RASGRF2: variants seen among roughly 807,000 people sequenced by gnomAD.
RASGRF2 encodes the protein ras-specific guanine nucleotide-releasing factor 2.
A neutral mutation model predicts 151.0 loss-of-function variants in RASGRF2; 76 were observed. That is an observed-to-expected ratio of 0.50 (90% CI 0.42 to 0.61). The LOEUF (loss-of-function observed/expected upper bound fraction) is 0.61, where lower values mean the gene tolerates loss of function less well. Ranked by LOEUF, RASGRF2 falls within the 20% of genes least tolerant of loss-of-function variation. The pLI, the probability that RASGRF2 is intolerant of heterozygous loss-of-function variation, is 0.00. For missense variants in RASGRF2, 1,148 were observed against 1,564.6 expected, an observed-to-expected ratio of 0.73 and a Z score of 4.49; for synonymous variants, 504 against 566.5, an observed-to-expected ratio of 0.89 and a Z score of 1.57.
intron 6 of RASGRF2, 44 bp downstream of exon 6, chr5:81,080,244 C>T: frequency 6.3e-7 from 1 of 1,576,116 alleles, no homozygotes; most frequent in Non-Finnish European, 8.5e-7. Context: ...TTTAGAGTGG[C>T]TGCAATTAGA....
chr5:81,164,213 A>T (rs1042047409), intron 17 of RASGRF2, among the ~76,000 whole-genome samples: 1 of 152,178 alleles, frequency 6.6e-6, no homozygotes. Flanking sequence ...ACCTCTGAAG[A>T]GTAAGACAGA....
intron 1 of RASGRF2, among the ~76,000 whole-genome samples, chr5:81,039,074 A>G (rs372413054): frequency 7.0e-4 from 107 of 152,312 alleles, no homozygotes; most frequent in African/African-American, 2.5e-3. Flanking sequence ...CCAAGATCAT[A>G]AAGATATTCT....
Position 80,960,771 on chromosome 5 carries a change from C to G in RASGRF2, c.33C>G (p.His11Gln), listed in dbSNP as rs1189225485. The change falls in exon 1 of 27, where the codon CAC becomes CAG. Residue 11 changes from histidine to glutamine, a missense_variant. His to Gln is a conservative substitution (Grantham distance 24). Around this residue, in one of 5 missense-constraint regions of RASGRF2, gnomAD observed 221 missense variants for 271.3 expected, o/e 0.81. Transcript: ENST00000265080. The surrounding 1 kb of genome is among the most constrained non-coding windows in gnomAD (Gnocchi z 5.5). MQKSVRYNEGHALYLAFLARK... is the reference protein window; with the variant it reads MQKSVRYNEGQALYLAFLARK... ...AGAGCGTGCGCTACAACGAGGGGCA[C>G]GCCCTGTACCTGGCCTTTCTGGCGC... 5.0e-6 allele frequency: 8 copies of G among 1,608,566 alleles called. 1 individual carries two copies. The South Asian group carries it at 8.8e-5, about 18-fold the overall frequency.
chr5:81,154,318 A>G lies in RASGRF2; in HGVS notation c.2687-25857A>G, dbSNP rs1305870964. Among the ~76,000 whole-genome samples the G allele has an allele frequency of 2.0e-5, 3 of 152,160 alleles. No homozygotes were observed. The East Asian group carries it at 5.8e-4, about 29-fold the overall frequency. ...CAGGCTAGAGTGCAGTGGTGTGATCATAGCTCACTGTAATCTTGAACTCCT... is the reference window on the plus strand; with the variant it reads ...CAGGCTAGAGTGCAGTGGTGTGATCGTAGCTCACTGTAATCTTGAACTCCT... On this transcript the variant is annotated intron_variant, in intron 17 of 26. Coordinates refer to ENST00000265080, the MANE Select transcript of RASGRF2 (RefSeq NM_006909.3).
At chr5:81,006,118 TAATAAA>T (rs1319664015) in intron 1 of RASGRF2, among the ~76,000 whole-genome samples, 1 of 152,260 alleles carries the variant, frequency 6.6e-6, no homozygotes, top group African/African-American at 2.4e-5. Flanking sequence ...TTTGTGTTTT[TAATAAA>T]AATAAATCTT....
At chr5:81,141,654 C>T (rs1753888181) in intron 17 of RASGRF2, among the ~76,000 whole-genome samples, 1 of 152,174 alleles carries the variant, frequency 6.6e-6, no homozygotes, top group African/African-American at 2.4e-5. Flanking sequence ...CCTTTCTCTG[C>T]AGCACGTCCA....
chr5:81,214,513 C>T (rs13185398), intron 23 of RASGRF2, among the ~76,000 whole-genome samples: 30,935 of 152,212 alleles, frequency 0.2, 3,239 homozygotes, highest in Middle Eastern at 0.31. Flanking sequence ...AACCCACAGA[C>T]TGGTCTGTTG....
intron 2 of RASGRF2, among the ~76,000 whole-genome samples, chr5:81,055,835 C>T (rs1233820570): frequency 6.6e-6 from 1 of 151,882 alleles, no homozygotes; most frequent in Non-Finnish European, 1.5e-5. Context: ...TCAGGGATTC[C>T]ACTTCTTCCT....
At chr5:81,198,073 TTCTC>T (rs150669732) in intron 18 of RASGRF2, among the ~76,000 whole-genome samples, 3 of 151,464 alleles carry the variant, frequency 2.0e-5, no homozygotes, top group East Asian at 1.9e-4. Context: ...TTAACGTGTA[TTCTC>T]TCTCTCTCTC....
chr5:80,964,231 C>A (rs1479439944), intron 1 of RASGRF2, among the ~76,000 whole-genome samples: 1 of 152,068 alleles, frequency 6.6e-6, no homozygotes, highest in Non-Finnish European at 1.5e-5. Context: ...AAAATGAGAT[C>A]AGTTAAAAAC....
intron 1 of RASGRF2, among the ~76,000 whole-genome samples, chr5:80,969,245 G>C (rs1355425637): frequency 6.8e-6 from 1 of 146,154 alleles, no homozygotes; most frequent in Admixed American, 7.0e-5. Flanking sequence ...ATTCTCCTGT[G>C]TAAGCCTCCT....
At chr5:81,053,471 C>A (rs544564188) in intron 2 of RASGRF2, among the ~76,000 whole-genome samples, 1 of 152,112 alleles carries the variant, frequency 6.6e-6, no homozygotes, top group African/African-American at 2.4e-5. Context: ...TTTTTTATGG[C>A]TGCATAGTAT....
intron 17 of RASGRF2, among the ~76,000 whole-genome samples, chr5:81,171,742 A>G (rs1754662914): frequency 6.6e-6 from 1 of 152,192 alleles, no homozygotes; most frequent in Admixed American, 6.5e-5. Flanking sequence ...TGTCTCCCAC[A>G]AACATGTTGT....
At chr5:81,202,259 G>A (rs1270314235) in intron 19 of RASGRF2, among the ~76,000 whole-genome samples, 1 of 152,136 alleles carries the variant, frequency 6.6e-6, no homozygotes, top group Non-Finnish European at 1.5e-5. Flanking sequence ...GCATCTCTCT[G>A]CCAGGGTCTG....
At chr5:81,087,030 G>A (rs1001200381) in intron 9 of RASGRF2, 77 bp downstream of exon 9, 145 of 1,341,988 alleles carry the variant, frequency 1.1e-4, no homozygotes, top group Middle Eastern at 5.5e-4. Context: ...CCCGGAAGGC[G>A]TTCTGAACAG....
intron 1 of RASGRF2, among the ~76,000 whole-genome samples, chr5:80,973,256 AGGTTGC>A (rs1747998195): frequency 1.3e-5 from 2 of 152,218 alleles, no homozygotes; most frequent in Non-Finnish European, 2.9e-5. Context: ...TGCTTACAGT[AGGTTGC>A]GGTTGCCACC....
At chr5:81,079,470 G>T (rs970269094) in intron 5 of RASGRF2, among the ~76,000 whole-genome samples, 3 of 152,166 alleles carry the variant, frequency 2.0e-5, no homozygotes, top group African/African-American at 7.2e-5. Flanking sequence ...TTCAGAAAAG[G>T]CTTCAAAGGC....
At position 81,109,032 on chromosome 5, in the gene RASGRF2, A is replaced by G. The variant is rs752679486; in HGVS notation, c.1792A>G (p.Ile598Val). ...DNIRCNGLMT[I>V]VFEENSKVTV... ...TATACGATGTAATGGTTTAATGACT[A>G]TAGTGTTTGAAGAGAATTCCAAAGT... The change falls in exon 13 of 27, where the codon ATA (isoleucine) becomes GTA (valine). Residue 598 changes from isoleucine (I) to valine (V), a missense_variant. Ile to Val is a conservative substitution (Grantham distance 29). Coordinates refer to ENST00000265080, the MANE Select transcript of RASGRF2 (RefSeq NM_006909.3). 8.1e-6 allele frequency: 13 copies of G among 1,611,782 alleles called. No individual in the cohort carries two copies. Among genetic ancestry groups the G allele is most frequent in the South Asian group, 1.1e-5 (1 of 90,998 alleles).
chr5:81,114,016 A>G (rs1029973761), intron 15 of RASGRF2, 96 bp downstream of exon 15: 31 of 1,391,366 alleles, frequency 2.2e-5, no homozygotes, highest in Non-Finnish European at 2.8e-5. Flanking sequence ...TTTCTTTACA[A>G]CTGTAATACT....
Sources: gnomAD v4.1 joint callset for allele counts (sites outside exome capture counted in the v4.1 genomes callset) on GRCh38, gnomAD v4.1.1 for gene constraint, gnomAD v4.1.1 regional missense constraint, Gnocchi (gnomAD v3.1) non-coding constraint, MANE v1.5 for transcripts, NCBI Gene and HGNC (gene_info 2026-07-23, HGNC 2026-07-21) for gene names.